Variants in WWP2 observed in about 807,000 individuals in gnomAD.
WWP2 encodes WW domain containing E3 ubiquitin protein ligase 2.
WWP2 carries 57 observed loss-of-function variants against 121.0 expected under a neutral mutation model. The observed-to-expected ratio is 0.47, with a 90% CI of 0.38 to 0.59. WWP2 has a LOEUF of 0.59. Among genes scored for constraint, WWP2 ranks in the 20% least tolerant of loss-of-function variants. WWP2 has a pLI of 0.00. For synonymous variants in WWP2, 449 were observed against 441.3 expected, an observed-to-expected ratio of 1.02 and a Z score of -0.22; for missense variants, 962 against 1,158.9, an observed-to-expected ratio of 0.83 and a Z score of 2.47.
intron 8 of WWP2, among the ~76,000 whole-genome samples, chr16:69,899,615 A>G (rs1007663436): frequency 6.6e-6 from 1 of 150,680 alleles, no homozygotes; most frequent in Non-Finnish European, 1.5e-5. Flanking sequence ...CTGTAATCTC[A>G]GCTACTCGGG....
intron 8 of WWP2, chr16:69,895,139 A>G (rs2058088532): frequency 6.6e-6 from 1 of 152,228 alleles, no homozygotes. Flanking sequence ...ACTATCAAGG[A>G]CGACAGCCTT....
At chr16:69,818,007 G>C (rs2056527612) in intron 4 of WWP2, among the ~76,000 whole-genome samples, 1 of 151,920 alleles carries the variant, frequency 6.6e-6, no homozygotes, top group Admixed American at 6.6e-5. Flanking sequence ...TTTGATGCCT[G>C]CTGCCTGTGT....
chr16:69,905,362 C>T (rs1038695377), intron 8 of WWP2, among the ~76,000 whole-genome samples: 4 of 152,090 alleles, frequency 2.6e-5, no homozygotes, highest in Admixed American at 2.0e-4. Context: ...AAAATGTGTA[C>T]CTTCTTCCAG....
At chr16:69,777,167 TG>T (rs1272701594) in intron 1 of WWP2, among the ~76,000 whole-genome samples, 1 of 151,918 alleles carries the variant, frequency 6.6e-6, no homozygotes, top group East Asian at 1.9e-4. Flanking sequence ...AATACACATA[TG>T]GATATACACA....
chr16:69,838,908 A>C, intron 4 of WWP2: 7 of 981,820 alleles, frequency 7.1e-6, no homozygotes, highest in Non-Finnish European at 8.4e-6. Context: ...TTTCTATCTT[A>C]TTATAATAGA....
chr16:69,862,649 C>CCT (rs998971543), intron 6 of WWP2, among the ~76,000 whole-genome samples: 54 of 151,830 alleles, frequency 3.6e-4, no homozygotes, highest in African/African-American at 1.2e-3. Flanking sequence ...ATATTCTGGG[C>CCT]CTCTTTTACC....
chr16:69,849,813 A>AC (rs2057167396), intron 6 of WWP2, among the ~76,000 whole-genome samples: 1 of 150,552 alleles, frequency 6.6e-6, no homozygotes, highest in Non-Finnish European at 1.5e-5. Flanking sequence ...GTCTCTTAAA[A>AC]AAAAAATCAT....
At chr16:69,884,504 T>C (rs982515602) in intron 7 of WWP2, among the ~76,000 whole-genome samples, 2 of 152,142 alleles carry the variant, frequency 1.3e-5, no homozygotes, top group African/African-American at 4.8e-5. Flanking sequence ...AGCATGAGCC[T>C]GTAGTCCCAG....
chr16:69,933,626 T>A (rs1250968369), intron 16 of WWP2, among the ~76,000 whole-genome samples: 1 of 152,222 alleles, frequency 6.6e-6, no homozygotes. Context: ...CCTAGGCAAC[T>A]GAGCATGGTG....
At chr16:69,812,477 C>CCCCTTTT (rs1567679792) in intron 4 of WWP2, among the ~76,000 whole-genome samples, 2 of 119,896 alleles carry the variant, frequency 1.7e-5, no homozygotes, top group African/African-American at 6.6e-5. Context: ...AACCCCCCCC[C>CCCCTTTT]TTTTTTTTTT....
chr16:69,833,440 C>T (rs1388962910), intron 4 of WWP2, among the ~76,000 whole-genome samples: 1 of 152,164 alleles, frequency 6.6e-6, no homozygotes, highest in Non-Finnish European at 1.5e-5. Flanking sequence ...GTGTTTCCAT[C>T]AGGAGGCACA....
intron 1 of WWP2, among the ~76,000 whole-genome samples, chr16:69,764,057 A>G (rs560144236): frequency 1.2e-4 from 18 of 152,318 alleles, no homozygotes; most frequent in Admixed American, 1.1e-3. Context: ...GATGGTCAGT[A>G]TTGTCCCTAT....
At chr16:69,767,938 A>G (rs1047275674) in intron 1 of WWP2, among the ~76,000 whole-genome samples, 4 of 152,178 alleles carry the variant, frequency 2.6e-5, no homozygotes, top group Non-Finnish European at 4.4e-5. Context: ...TTTGAGCTCA[A>G]GTGATCCTCC....
At chr16:69,931,307 T>C (rs1299286816) in intron 14 of WWP2, 80 bp downstream of exon 14, 34 of 1,570,178 alleles carry the variant, frequency 2.2e-5, no homozygotes, top group Non-Finnish European at 2.9e-5. Context: ...CAGCAGCAGG[T>C]ATCGGAATGT....
At chr16:69,918,402 TG>T (rs1304706568) in intron 10 of WWP2, among the ~76,000 whole-genome samples, 1 of 152,212 alleles carries the variant, frequency 6.6e-6, no homozygotes, top group African/African-American at 2.4e-5. Flanking sequence ...TAATAGTCCA[TG>T]GGCCAAGCTG....
intron 6 of WWP2, among the ~76,000 whole-genome samples, chr16:69,869,590 C>T (rs753840545): frequency 5.9e-5 from 9 of 152,008 alleles, no homozygotes; most frequent in Non-Finnish European, 1.2e-4. Context: ...AAGTGCCGTC[C>T]CATCTCAGCC....
intron 4 of WWP2, among the ~76,000 whole-genome samples, chr16:69,834,791 G>A (rs891360509): frequency 2.6e-5 from 4 of 151,198 alleles, no homozygotes; most frequent in African/African-American, 9.7e-5. Flanking sequence ...GCCTCTGAAA[G>A]TGCTGGGATT....
At chr16:69,889,102 C>T (rs1277381514) in intron 8 of WWP2, among the ~76,000 whole-genome samples, 2 of 151,920 alleles carry the variant, frequency 1.3e-5, no homozygotes, top group Admixed American at 1.3e-4. Flanking sequence ...TCACTTGAGG[C>T]CAGGAGTTTG....
chr16:69,836,710 G>A (rs1256936149), intron 4 of WWP2, among the ~76,000 whole-genome samples: 1 of 152,006 alleles, frequency 6.6e-6, no homozygotes, highest in Non-Finnish European at 1.5e-5. Flanking sequence ...CCCAACCCAG[G>A]CTCAAGTAAT....
Sources: allele counts gnomAD v4.1 joint callset (sites outside exome capture counted in the v4.1 genomes callset), GRCh38; gene constraint gnomAD v4.1.1; transcripts MANE v1.5; gene names NCBI Gene and HGNC (gene_info 2026-07-23, HGNC 2026-07-21).